NAT10: variants seen among roughly 807,000 people sequenced by gnomAD.
The protein encoded by NAT10 is N-acetyltransferase 10.
A neutral mutation model predicts 132.2 loss-of-function variants in NAT10; 109 were observed. That is an observed-to-expected ratio of 0.82 (90% confidence interval 0.71 to 0.97). NAT10 has a LOEUF of 0.97. NAT10 is among the 50% of genes least tolerant of loss of function. The probability of loss-of-function intolerance (pLI) is 0.00; values close to 1 mark genes in which losing one functional copy is unlikely to be tolerated. For synonymous variants in NAT10, 479 were observed against 478.0 expected, an observed-to-expected ratio of 1.00 and a Z score of -0.03; for missense variants, 1,184 against 1,263.4, an observed-to-expected ratio of 0.94 and a Z score of 0.95.
chr11:34,123,695 T>C, intron 9 of NAT10, 67 bp from the exon 10 acceptor site: 2 of 1,275,790 alleles, frequency 1.6e-6, no homozygotes, highest in Non-Finnish European at 1.1e-6. Flanking sequence ...AAATATTTTC[T>C]TTTTTAAATT....
At chr11:34,135,388 G>C in intron 19 of NAT10, 97 bp downstream of exon 19, 1 of 920,062 alleles carries the variant, frequency 1.1e-6, no homozygotes, top group Non-Finnish European at 1.7e-6. Context: ...CAGAGCTTTG[G>C]ACCCCTCTCT....
chr11:34,118,128 T>C, intron 6 of NAT10, 52 bp from the exon 7 acceptor site: 2 of 1,408,772 alleles, frequency 1.4e-6, no homozygotes, highest in Non-Finnish European at 2.0e-6. Flanking sequence ...ATACTCTGTA[T>C]AGACATTGCA....
chr11:34,124,156 C>T (rs1029335773), intron 10 of NAT10, 146 bp from the exon 11 acceptor site: 7 of 622,912 alleles, frequency 1.1e-5, no homozygotes, highest in African/African-American at 3.7e-5. Context: ...GCTCGAAACT[C>T]CATCTCAAAA....
chr11:34,120,129 T>G (rs1851863798), intron 8 of NAT10, among the ~76,000 whole-genome samples: 1 of 147,440 alleles, frequency 6.8e-6, no homozygotes, highest in African/African-American at 2.5e-5. Flanking sequence ...TTGTTGTTGT[T>G]GTTGTTGCTG....
rs773370564 is a variant in NAT10, at chr11:34,131,425, G to A, written c.1414G>A (p.Ala472Thr). The part of the protein sequence containing the change: ...EVSLQESIRY[A>T]PGDAVEKWLN... ...TTCCCTCCAGGAGTCAATCCGATAC[G>A]CCCCTGGGGATGCAGTGGAGAAGTG... Residue 472 changes from alanine to threonine, a missense_variant, in exon 14 of 29, where the codon GCC becomes ACC. Transcript: ENST00000257829. The A allele has an allele frequency of 2.2e-5, 35 of 1,613,996 alleles. No individual in the cohort carries two copies. In the Middle Eastern group the frequency reaches 4.9e-4, roughly 23 times the overall value.
At chr11:34,130,251 T>C (rs1852081026) in intron 12 of NAT10, among the ~76,000 whole-genome samples, 1 of 152,190 alleles carries the variant, frequency 6.6e-6, no homozygotes, top group South Asian at 2.1e-4. Context: ...TTTCTCAACA[T>C]TTTTTAGCTA....
At chr11:34,131,850 T>C (rs1852112118) in intron 14 of NAT10, among the ~76,000 whole-genome samples, 1 of 152,036 alleles carries the variant, frequency 6.6e-6, no homozygotes, top group Non-Finnish European at 1.5e-5. Flanking sequence ...CACGTCTGGC[T>C]AATTTTTGTA....
intron 18 of NAT10, among the ~76,000 whole-genome samples, 157 bp downstream of exon 18, chr11:34,134,743 G>T (rs1190855887): frequency 6.6e-6 from 1 of 151,744 alleles, no homozygotes; most frequent in Non-Finnish European, 1.5e-5. Context: ...GGGTGGGTGG[G>T]TGGACAGGAT....
rs149217488 is a variant in NAT10, at chr11:34,143,449, A to G, written c.2890A>G (p.Ile964Val). The change falls in exon 28 of 29, where the codon ATA (isoleucine) becomes GTA (valine). Residue 964 changes from isoleucine (I) to valine (V), a missense_variant. Coordinates refer to ENST00000257829, the MANE Select transcript of NAT10 (RefSeq NM_024662.3). Reference protein sequence around the residue: ...KLKSMDLSEYIIRGDDEEWNE... With the variant: ...KLKSMDLSEYVIRGDDEEWNE... Reference sequence around the variant, plus strand: ...TAGTTCCCTTCTTTTTTTTAGATACATAATCCGTGGGGACGATGAAGAGTG... The same window carrying G: ...TAGTTCCCTTCTTTTTTTTAGATACGTAATCCGTGGGGACGATGAAGAGTG... 3.7e-6 allele frequency: 6 copies of G among 1,613,532 alleles called. No individual in the cohort carries two copies. Among genetic ancestry groups the G allele is most frequent in the Non-Finnish European group, 5.1e-6 (6 of 1,179,806 alleles).
intron 6 of NAT10, among the ~76,000 whole-genome samples, chr11:34,116,585 T>C (rs1374033152): frequency 6.6e-6 from 1 of 151,656 alleles, no homozygotes; most frequent in African/African-American, 2.4e-5. Context: ...ACTCGGCTAA[T>C]TTTTTGTATT....
intron 17 of NAT10, 37 bp downstream of exon 17, chr11:34,134,457 G>T (rs374580359): frequency 1.2e-6 from 2 of 1,613,910 alleles, no homozygotes; most frequent in Non-Finnish European, 1.7e-6. Context: ...AGGGAAGCTG[G>T]TGGTGTCCAA....
Position 34,132,202 on chromosome 11 carries a change from A to G in NAT10, c.1598A>G (p.Tyr533Cys), listed in dbSNP as rs146382635. 56 of 1,613,872 alleles carry G rather than the reference A, an allele frequency of 3.5e-5. 1 individual carries two copies. The highest frequency in any genetic ancestry group is 3.1e-4 in the African/African-American group (23 of 74,924). Reference sequence around the variant, plus strand: ...TTCCTCCAACGGCTTATGGCCCTCTACGTGGCTTCTCACTACAAGGTAACT... The same window carrying G: ...TTCCTCCAACGGCTTATGGCCCTCTGCGTGGCTTCTCACTACAAGGTAACT... ...EVFLQRLMALYVASHYKNSPN... is the reference protein window; with the variant it reads ...EVFLQRLMALCVASHYKNSPN... Residue 533 changes from tyrosine to cysteine, a missense_variant, in exon 15 of 29, where the codon TAC (tyrosine) becomes TGC (cysteine). Tyr to Cys is a radical substitution (Grantham distance 194). Transcript: ENST00000257829.
intron 6 of NAT10, among the ~76,000 whole-genome samples, chr11:34,117,394 C>A (rs1429650454): frequency 1.3e-5 from 2 of 152,106 alleles, no homozygotes; most frequent in East Asian, 1.9e-4. Context: ...CCGTGGGCAT[C>A]CGGTGGGTAG....
chr11:34,133,954 C>T (rs1293842399), intron 16 of NAT10, among the ~76,000 whole-genome samples: 1 of 150,770 alleles, frequency 6.6e-6, no homozygotes, highest in Non-Finnish European at 1.5e-5. Flanking sequence ...AGATCAAGAC[C>T]ATCCTGGCTA....
rs1427363627 is a variant in NAT10, at chr11:34,124,400, G to A, written c.1107G>A (p.Gln369=). The A allele has an allele frequency of 6.2e-7, 1 of 1,611,488 alleles. No homozygotes were observed. Reference sequence around the variant, plus strand: ...TTCGAGAACACAGGCAGACTATTCAGGTGAGGCTTGTTCTCAGACCCTGAT... The same window carrying A: ...TTCGAGAACACAGGCAGACTATTCAAGTGAGGCTTGTTCTCAGACCCTGAT... ...NVFREHRQTI[Q]YIHPADAVKL... Residue 369 remains glutamine (Q), a splice_region_variant and synonymous_variant, in exon 11 of 29, where the codon CAG becomes CAA. Transcript: ENST00000257829.
At chr11:34,127,161 C>G (rs1435369005) in intron 11 of NAT10, among the ~76,000 whole-genome samples, 1 of 152,194 alleles carries the variant, frequency 6.6e-6, no homozygotes, top group Non-Finnish European at 1.5e-5. Context: ...CTTTATTTTT[C>G]CTTCAAGCAG....
chr11:34,139,346 G>A (rs776460401), intron 22 of NAT10, 39 bp from the exon 23 acceptor site: 2 of 1,611,926 alleles, frequency 1.2e-6, no homozygotes, highest in East Asian at 2.2e-5. Flanking sequence ...TGCCGGGGAT[G>A]CCTCCAGACC....
In NAT10 at chr11:34,113,815, A is replaced by G. The variant is rs1851741030; in HGVS notation, c.472A>G (p.Lys158Glu). 1.2e-6 allele frequency: 2 copies of G among 1,613,918 alleles called. No individual in the cohort carries two copies. Among genetic ancestry groups the G allele is most frequent in the Non-Finnish European group, 1.7e-6 (2 of 1,179,886 alleles). The change falls in exon 5 of 29, where the codon AAG becomes GAG. Residue 158 changes from lysine to glutamate, a missense_variant. Coordinates refer to ENST00000257829, the MANE Select transcript of NAT10 (RefSeq NM_024662.3). ...CCTCCTACGGACCATGAACTCACTC[A>G]AGCAATTGTACACAGTGACTATGGT... ...VILLRTMNSLKQLYTVTMDVH... is the reference protein window; with the variant it reads ...VILLRTMNSLEQLYTVTMDVH...
Position 34,131,383 on chromosome 11 carries a change from C to G in NAT10, c.1372C>G (p.Arg458Gly). ...TTTTARLASA[R>G]TLYEVSLQES... ...GTGTGTGTGATTGTGGGGAGCAGCG[C>G]GGACACTGTATGAGGTTTCCCTCCA... is the stretch of plus-strand genomic sequence containing the variant. The change falls in exon 14 of 29, where the codon CGG becomes GGG. Residue 458 changes from arginine (R) to glycine (G), a missense_variant and splice_region_variant. Transcript: ENST00000257829. The G allele has an allele frequency of 6.2e-7, 1 of 1,612,188 alleles. No homozygotes were observed. The highest frequency in any genetic ancestry group is 1.1e-5 in the South Asian group (1 of 90,794).
Sources: gnomAD v4.1 joint callset for allele counts (sites outside exome capture counted in the v4.1 genomes callset) on GRCh38, gnomAD v4.1.1 for gene constraint, MANE v1.5 for transcripts, NCBI Gene and HGNC (gene_info 2026-07-23, HGNC 2026-07-21) for gene names.